Variants in TMEM144 observed in about 807,000 individuals in gnomAD.
TMEM144 encodes the protein transmembrane protein 144.
A neutral mutation model predicts 43.6 loss-of-function variants in TMEM144; 39 were observed. That is an observed-to-expected ratio of 0.90 (90% CI 0.69 to 1.17). The LOEUF is 1.17. Among genes scored for constraint, TMEM144 ranks in the 50% most tolerant of loss-of-function variants. The pLI, the probability that TMEM144 is intolerant of heterozygous loss-of-function variation, is 0.00. For synonymous variants in TMEM144, 154 were observed against 133.6 expected, an observed-to-expected ratio of 1.15 and a Z score of -1.06; for missense variants, 417 against 411.9, an observed-to-expected ratio of 1.01 and a Z score of -0.11.
chr4:158,251,236 T>C (rs766757406), intron 12 of TMEM144, among the ~76,000 whole-genome samples: 6 of 152,206 alleles, frequency 3.9e-5, no homozygotes, highest in Non-Finnish European at 8.8e-5. Flanking sequence ...TCCCTTAGAA[T>C]ACTGGAGTCT....
intron 6 of TMEM144, among the ~76,000 whole-genome samples, chr4:158,223,258 C>A (rs937104681): frequency 6.6e-6 from 1 of 152,174 alleles, no homozygotes; most frequent in African/African-American, 2.4e-5. Flanking sequence ...GCCAGAAGTA[C>A]ACTGAGAATT....
Position 158,215,312 on chromosome 4 carries a change from AG to A in TMEM144, c.232+1del. 6.2e-7 allele frequency: 1 copy of A among 1,613,538 alleles called. No homozygotes were observed. Among genetic ancestry groups the A allele is most frequent in the Non-Finnish European group, 8.5e-7 (1 of 1,179,644 alleles). On this transcript the variant is annotated frameshift_variant and splice_region_variant, in exon 4 of 13. Transcript: ENST00000296529. LOFTEE classifies it high-confidence loss of function. ...AMLGGCIWAT[G>X]NIAVVPIIKT... The stretch of plus-strand genomic sequence containing the variant: ...TGCTTGGGGGCTGCATTTGGGCAAC[AG>A]GTAATGTCTGATATAACTTATACTT...
At chr4:158,226,516 A>G (rs1288457091) in intron 6 of TMEM144, among the ~76,000 whole-genome samples, 1 of 152,198 alleles carries the variant, frequency 6.6e-6, no homozygotes, top group Non-Finnish European at 1.5e-5. Context: ...AAAACAAAAT[A>G]TACATATTTT....
intron 12 of TMEM144, among the ~76,000 whole-genome samples, chr4:158,252,552 C>G (rs935248446): frequency 6.6e-6 from 1 of 151,948 alleles, no homozygotes. Flanking sequence ...CTTGGAAAAA[C>G]AGGACCCAAA....
At position 158,210,558 on chromosome 4, in the gene TMEM144, AG is replaced by A. The variant is rs1456126716; in HGVS notation, c.-209del. The A allele has an allele frequency of 6.6e-6, 1 of 152,300 alleles. No homozygotes were observed. The highest frequency in any genetic ancestry group is 1.5e-5 in the Non-Finnish European group (1 of 68,082). 9.4% of individuals were successfully genotyped at this position (152,300 alleles called of 1,614,324 possible). A position where few individuals can be genotyped will look rare whatever the true frequency, so the allele number is the denominator to read the frequency against. The stretch of plus-strand genomic sequence containing the variant: ...CGGATCGCGCCGGCGCTGAGTAGGA[AG>A]GAGCTTCAGCCGCCAGCCCGGAACG... On this transcript the variant is annotated 5_prime_UTR_variant, in exon 1 of 13. Coordinates refer to ENST00000296529, the MANE Select transcript of TMEM144 (RefSeq NM_018342.5).
intron 2 of TMEM144, chr4:158,211,977 A>G (rs1347721587): frequency 1.3e-5 from 2 of 152,254 alleles, no homozygotes; most frequent in African/African-American, 4.8e-5. Flanking sequence ...TACTTTATTC[A>G]ATACATATAT....
At chr4:158,211,063 A>C (rs1255385236) in intron 1 of TMEM144, 1 of 152,242 alleles carries the variant, frequency 6.6e-6, no homozygotes, top group Non-Finnish European at 1.5e-5. Context: ...TTTCTTTTCC[A>C]CAAAAATTTC....
chr4:158,224,501 T>C (rs1035070935), intron 6 of TMEM144, among the ~76,000 whole-genome samples: 6 of 152,174 alleles, frequency 3.9e-5, no homozygotes, highest in Admixed American at 3.9e-4. Context: ...ATCAGGTTGG[T>C]CATTTCCTGG....
At chr4:158,219,266 C>A in intron 5 of TMEM144, 44 bp from the exon 6 acceptor site, 2 of 1,593,134 alleles carry the variant, frequency 1.3e-6, no homozygotes, top group East Asian at 4.5e-5. Context: ...TATGGTGAAA[C>A]ATCTTAACAA....
chr4:158,217,469 T>C, intron 5 of TMEM144, 49 bp downstream of exon 5: 1 of 1,311,214 alleles, frequency 7.6e-7, no homozygotes, highest in Non-Finnish European at 1.1e-6. Context: ...ATCCATATTC[T>C]ATGTAAAGCA....
At chr4:158,233,105 T>G in intron 7 of TMEM144, 123 bp downstream of exon 7, 1 of 684,936 alleles carries the variant, frequency 1.5e-6, no homozygotes. Context: ...ATGTAAAATA[T>G]CTTAGCTTAT....
chr4:158,228,635 C>T (rs1434515779), intron 6 of TMEM144, among the ~76,000 whole-genome samples: 5 of 152,280 alleles, frequency 3.3e-5, no homozygotes, highest in South Asian at 2.1e-4. Flanking sequence ...GGATCCATGT[C>T]GCTTGGGCTG....
At chr4:158,222,018 T>C (rs1295755134) in intron 6 of TMEM144, among the ~76,000 whole-genome samples, 1 of 152,238 alleles carries the variant, frequency 6.6e-6, no homozygotes, top group Non-Finnish European at 1.5e-5. Flanking sequence ...GCCACAGTCA[T>C]TCAAATTCAA....
intron 8 of TMEM144, chr4:158,235,711 C>A: frequency 2.3e-6 from 1 of 433,764 alleles, no homozygotes; most frequent in Non-Finnish European, 4.1e-6. Flanking sequence ...TGAGTAATTA[C>A]TAAATCATTG....
intron 12 of TMEM144, among the ~76,000 whole-genome samples, chr4:158,252,369 C>T (rs1479695353): frequency 2.6e-5 from 4 of 152,136 alleles, no homozygotes; most frequent in Admixed American, 2.6e-4. Flanking sequence ...CTCCATCTAC[C>T]CATCATCATC....
intron 6 of TMEM144, among the ~76,000 whole-genome samples, chr4:158,232,502 T>C (rs1401607840): frequency 6.6e-6 from 1 of 152,256 alleles, no homozygotes; most frequent in Non-Finnish European, 1.5e-5. Flanking sequence ...TCTGCACTTC[T>C]ATCAGCAGTA....
chr4:158,246,337 T>C (rs534287920), intron 12 of TMEM144, among the ~76,000 whole-genome samples: 10 of 152,336 alleles, frequency 6.6e-5, no homozygotes, highest in African/African-American at 2.2e-4. Context: ...TCTAAGGAGA[T>C]TGATGTTGCT....
At position 158,215,188 on chromosome 4, in the gene TMEM144, T is replaced by C. The variant is rs905467118; in HGVS notation, c.110-3T>C. On this transcript the variant is annotated splice_polypyrimidine_tract_variant and splice_region_variant and intron_variant, in intron 3 of 12. Coordinates refer to ENST00000296529, the MANE Select transcript of TMEM144 (RefSeq NM_018342.5). ...CACTAACACTGAGTTTGTTTATTTC[T>C]AGGAATGTTTCTCCAGTGGGTTCTT... 1 of 1,613,638 alleles carries C rather than the reference T, an allele frequency of 6.2e-7. No homozygotes were observed. The highest frequency in any genetic ancestry group is 8.5e-7 in the Non-Finnish European group (1 of 1,179,614).
rs938283027 is a variant in TMEM144, at chr4:158,253,345, A to G, written c.955-99A>G. On this transcript the variant is annotated intron_variant, in intron 12 of 12. Transcript: ENST00000296529. ...GTAGCAAAAAAGGGTACAGGCGGCT[A>G]GAGCAGATGGTTAGGTCCCTAGCAA... The G allele has an allele frequency of 9.1e-6, 9 of 992,816 alleles. No homozygotes were observed. In the African/African-American group the frequency reaches 1.1e-4, roughly 12 times the overall value. 61.5% of individuals were successfully genotyped at this position (992,816 alleles called of 1,614,324 possible). A position where few individuals can be genotyped will look rare whatever the true frequency, so the allele number is the denominator to read the frequency against.
Sources: allele counts gnomAD v4.1 joint callset (sites outside exome capture counted in the v4.1 genomes callset), GRCh38; gene constraint gnomAD v4.1.1; transcripts MANE v1.5; gene names NCBI Gene and HGNC (gene_info 2026-07-23, HGNC 2026-07-21).